RAD51B: variants seen among roughly 807,000 people sequenced by gnomAD.
RAD51B encodes DNA repair protein RAD51 homolog 2.
A neutral mutation model predicts 42.2 loss-of-function variants in RAD51B; 38 were observed. That is an observed-to-expected ratio of 0.90 (90% CI 0.70 to 1.18). The LOEUF is 1.18. Among genes scored for constraint, RAD51B ranks in the 50% most tolerant of loss-of-function variants. The pLI is 0.00. For synonymous variants in RAD51B, 154 were observed against 145.2 expected, an observed-to-expected ratio of 1.06 and a Z score of -0.43; for missense variants, 373 against 400.7, an observed-to-expected ratio of 0.93 and a Z score of 0.59.
In RAD51B at chr14:68,573,899, A is replaced by G. The variant is rs568815374; in HGVS notation, c.1037-20586A>G. On this transcript the variant is annotated intron_variant, in intron 10 of 10. Coordinates refer to the RAD51B transcript ENST00000487270. ...CCCGGCAAACAAGAGCATGCAGCACATGAGTATGGGCTGAGCTTGAGCTTT... is the reference window on the plus strand; with the variant it reads ...CCCGGCAAACAAGAGCATGCAGCACGTGAGTATGGGCTGAGCTTGAGCTTT... 3.9e-5 allele frequency among the ~76,000 whole-genome samples: 6 copies of G among 152,278 alleles called. No homozygotes were observed. The South Asian group carries it at 1.2e-3, about 32-fold the overall frequency.
Position 68,631,198 on chromosome 14 carries a change from G to A in RAD51B, c.1037-19583G>A, listed in dbSNP as rs137857159. Among the ~76,000 whole-genome samples the A allele has an allele frequency of 4.8e-3, 729 of 152,338 alleles. 7 individuals carry two copies. Among genetic ancestry groups the A allele is most frequent in the African/African-American group, 0.016 (663 of 41,570 alleles). On this transcript the variant is annotated intron_variant, in intron 10 of 11. Transcript: ENST00000488612. ...CTGGACGTATATGGTCAAAGACTGT[G>A]TCTAAAAGGCGGGTGTAGTTGGGAT...
At chr14:68,625,662 A>C (rs1419363765) in intron 10 of RAD51B, among the ~76,000 whole-genome samples, 1 of 151,980 alleles carries the variant, frequency 6.6e-6, no homozygotes, top group Non-Finnish European at 1.5e-5. Flanking sequence ...AAGCTGACCT[A>C]TGTTCCCACT....
chr14:68,609,945 C>G (rs941153412), intron 10 of RAD51B, among the ~76,000 whole-genome samples: 1 of 152,066 alleles, frequency 6.6e-6, no homozygotes, highest in African/African-American at 2.4e-5. Context: ...TGCTTTTTAC[C>G]TGCTCCTCTG....
At chr14:68,229,332 C>G (rs557397792) in intron 7 of RAD51B, among the ~76,000 whole-genome samples, 2 of 152,156 alleles carry the variant, frequency 1.3e-5, no homozygotes, top group African/African-American at 2.4e-5. Flanking sequence ...CTTGGACCAC[C>G]CATGGAACTC....
At chr14:68,084,904 G>A (rs2076962966) in intron 7 of RAD51B, among the ~76,000 whole-genome samples, 1 of 152,222 alleles carries the variant, frequency 6.6e-6, no homozygotes, top group Non-Finnish European at 1.5e-5. Context: ...GAAGCTGCTA[G>A]CTATAACATT....
chr14:68,301,983 AGTTAATAAATAATTGAT>A (rs946462275), intron 8 of RAD51B, among the ~76,000 whole-genome samples: 70 of 152,340 alleles, frequency 4.6e-4, no homozygotes, highest in African/African-American at 1.5e-3. Flanking sequence ...TGACAATAAT[AGTTAATAAATAATTGAT>A]GTTAATAAAT....
chr14:68,452,897 A>G (rs1469184629), intron 9 of RAD51B, among the ~76,000 whole-genome samples: 1 of 151,194 alleles, frequency 6.6e-6, no homozygotes, highest in South Asian at 2.1e-4. Context: ...GCTTGACCAG[A>G]TCTAAGGTGT....
At chr14:68,356,190 TGGGAGGCCGAGGTGGGCG>T (rs895367983) in intron 8 of RAD51B, among the ~76,000 whole-genome samples, 4 of 152,156 alleles carry the variant, frequency 2.6e-5, no homozygotes, top group African/African-American at 9.7e-5. Flanking sequence ...CCCAGCACTT[TGGGAGGCCGAGGTGGGCG>T]GATCACAAGG....
At chr14:67,860,178 G>A (rs1450656438) in intron 4 of RAD51B, among the ~76,000 whole-genome samples, 1 of 152,152 alleles carries the variant, frequency 6.6e-6, no homozygotes, top group Non-Finnish European at 1.5e-5. Flanking sequence ...AATCTTTGAA[G>A]ATGATTTGAA....
rs34564590 is a variant in RAD51B at position 67,835,050 on chromosome 14, G to GA, written c.199-22dup. Reference sequence around the variant, plus strand: ...ATGTTTTTGAATATATATAGAGGTTGAAAAAAAACTTAATCATTTTCTTGT... The same window carrying GA: ...ATGTTTTTGAATATATATAGAGGTTGAAAAAAAAACTTAATCATTTTCTTGT... On this transcript the variant is annotated intron_variant, in intron 3 of 10. Coordinates refer to ENST00000471583, the MANE Select transcript of RAD51B (RefSeq NM_133510.4). The GA allele has an allele frequency of 0.34, 518,999 of 1,528,220 alleles. 89,705 individuals are homozygous for GA. Among genetic ancestry groups the GA allele is most frequent in the African/African-American group, 0.5 (35,851 of 72,242 alleles). The allele number at this position is 1,528,220 out of a possible 1,614,324, so 94.7% of individuals were successfully genotyped here. A position where few individuals can be genotyped will look rare whatever the true frequency, so the allele number is the denominator to read the frequency against.
chr14:68,531,765 G>A (rs1031206124), intron 10 of RAD51B, among the ~76,000 whole-genome samples: 6 of 152,132 alleles, frequency 3.9e-5, no homozygotes, highest in East Asian at 1.9e-4. Flanking sequence ...TTGGGAGGCC[G>A]AGGCAGGAGA....
chr14:68,494,566 G>T (rs1377839346), intron 10 of RAD51B, among the ~76,000 whole-genome samples: 1 of 152,164 alleles, frequency 6.6e-6, no homozygotes, highest in Non-Finnish European at 1.5e-5. Context: ...CGTCAGTCTA[G>T]ATGGGCACTT....
At chr14:67,887,889 C>T (rs901339003) in intron 7 of RAD51B, among the ~76,000 whole-genome samples, 2 of 152,210 alleles carry the variant, frequency 1.3e-5, no homozygotes, top group African/African-American at 4.8e-5. Flanking sequence ...ACACTCCCAT[C>T]TGCAGTGTGT....
intron 7 of RAD51B, among the ~76,000 whole-genome samples, chr14:67,913,001 G>A (rs1025153166): frequency 2.6e-5 from 4 of 152,132 alleles, no homozygotes; most frequent in African/African-American, 9.7e-5. Context: ...ACTGCACCCG[G>A]CCTTACTTCT....
chr14:68,429,829 A>G (rs1445821647), intron 9 of RAD51B, among the ~76,000 whole-genome samples: 3 of 147,754 alleles, frequency 2.0e-5, no homozygotes, highest in Non-Finnish European at 4.4e-5. Flanking sequence ...ACCCATGCCT[A>G]TGTCCTGAAT....
At position 68,399,260 on chromosome 14, in the gene RAD51B, T is replaced by TG. The variant is rs34020297; in HGVS notation, c.854-12164_854-12163insG. Among the ~76,000 whole-genome samples, 12 of 65,302 alleles carry TG rather than the reference T, an allele frequency of 1.8e-4. No homozygotes were observed. In the East Asian group the frequency reaches 5.9e-3, roughly 32 times the overall value. 42.8% of individuals were successfully genotyped at this position (65,302 alleles called of 152,430 possible). On this transcript the variant is annotated intron_variant, in intron 8 of 10. Transcript: ENST00000471583. The stretch of plus-strand genomic sequence containing the variant: ...ACCCTTTACCTGATTTTTTTTTGTG[T>TG]TTTTTTTTTTTTTTGAGATGGAGTC...
intron 7 of RAD51B, among the ~76,000 whole-genome samples, chr14:68,075,960 A>C (rs1335024760): frequency 6.6e-6 from 1 of 152,246 alleles, no homozygotes; most frequent in African/African-American, 2.4e-5. Flanking sequence ...AGAGATGCAG[A>C]GTTGCTACTG....
At chr14:68,541,760 T>C in intron 10 of RAD51B, 1 of 985,442 alleles carries the variant, frequency 1.0e-6, no homozygotes, top group African/African-American at 1.7e-5. Context: ...TTAAAACTTT[T>C]GTTTCAAGAT....
At chr14:68,356,434 C>CAAAA (rs55768026) in intron 8 of RAD51B, among the ~76,000 whole-genome samples, 1 of 106,404 alleles carries the variant, frequency 9.4e-6, no homozygotes, top group Non-Finnish European at 2.0e-5. Flanking sequence ...GACTCCGTCT[C>CAAAA]AAAAAAAAAA....
Sources: gnomAD v4.1 joint callset for allele counts (sites outside exome capture counted in the v4.1 genomes callset) on GRCh38, gnomAD v4.1.1 for gene constraint, MANE v1.5 for transcripts, NCBI Gene and HGNC (gene_info 2026-07-23, HGNC 2026-07-21) for gene names.